Variants in PCDHGB1 observed in about 807,000 individuals in gnomAD.
PCDHGB1 encodes protocadherin gamma-B1.
In PCDHGB1, 34 loss-of-function variants were observed where a neutral mutation model predicts 56.6. The observed-to-expected ratio is 0.60, with a 90% CI of 0.46 to 0.80. The LOEUF (loss-of-function observed/expected upper bound fraction) is 0.80, where lower values mean the gene tolerates loss of function less well. Among genes scored for constraint, PCDHGB1 ranks in the 30% least tolerant of loss-of-function variants. The pLI, the probability that PCDHGB1 is intolerant of heterozygous loss-of-function variation, is 0.00. For missense variants in PCDHGB1, 1,278 were observed against 1,204.6 expected, an observed-to-expected ratio of 1.06 and a Z score of -0.90; for synonymous variants, 561 against 505.9, an observed-to-expected ratio of 1.11 and a Z score of -1.46.
chr5:141,351,879 C>A lies in PCDHGB1; in HGVS notation c.1619C>A (p.Ala540Asp). Residue 540 changes from alanine (A) to aspartate (D), a missense_variant, in exon 1 of 4, where the codon GCC becomes GAC. Coordinates refer to ENST00000523390, the MANE Select transcript of PCDHGB1 (RefSeq NM_018922.3). ...GACCAGGGCTCCCCCGCGCTCAGCGCCAACGTGAGCCTGCGCGTGTTGGTG... is the reference window on the plus strand; with the variant it reads ...GACCAGGGCTCCCCCGCGCTCAGCGACAACGTGAGCCTGCGCGTGTTGGTG... ...ARDQGSPALS[A>D]NVSLRVLVGD... 6.2e-7 allele frequency: 1 copy of A among 1,613,328 alleles called. No homozygotes were observed. The highest frequency in any genetic ancestry group is 8.5e-7 in the Non-Finnish European group (1 of 1,179,734).
At position 141,357,621 on chromosome 5, in the gene PCDHGB1, G is replaced by A. The variant is rs746909809; in HGVS notation, c.2409+4952G>A. The stretch of plus-strand genomic sequence containing the variant: ...AAACAAAAGGAGACCCTAATCTTCA[G>A]GTGAGTCAATCTTATAATAGATCAT... On this transcript the variant is annotated intron_variant, in intron 1 of 3. Transcript: ENST00000523390. The A allele has an allele frequency of 1.9e-6, 3 of 1,613,788 alleles. No individual in the cohort carries two copies. In the South Asian group the frequency reaches 3.3e-5, roughly 18 times the overall value.
At position 141,464,471 on chromosome 5, in the gene PCDHGB1, G is replaced by A. The variant is rs142068327; in HGVS notation, c.2410-30336G>A. On this transcript the variant is annotated intron_variant, in intron 1 of 3. Coordinates refer to ENST00000523390, the MANE Select transcript of PCDHGB1 (RefSeq NM_018922.3). ...TTGTTGTTATTTTTGAAGTATGTAC[G>A]TATAATAAATTCCTAATAGTGTGAT... Among the ~76,000 whole-genome samples, 204 of 151,612 alleles carry A rather than the reference G, an allele frequency of 1.3e-3. 1 individual carries two copies. The highest frequency in any genetic ancestry group is 2.3e-3 in the Non-Finnish European group (156 of 67,928).
At chr5:141,444,152 A>ATTTTTTTTTTTT (rs747671382) in intron 1 of PCDHGB1, among the ~76,000 whole-genome samples, 4 of 33,898 alleles carry the variant, frequency 1.2e-4, no homozygotes, top group Admixed American at 3.9e-4. Flanking sequence ...TGTGTACTGG[A>ATTTTTTTTTTTT]TTTTTTTTTT....
intron 1 of PCDHGB1, chr5:141,361,044 A>G: frequency 6.2e-7 from 1 of 1,613,658 alleles, no homozygotes; most frequent in South Asian, 1.1e-5. Flanking sequence ...AAATCACGAC[A>G]AAGGATGATT....
intron 1 of PCDHGB1, chr5:141,413,602 G>A (rs1561743581): frequency 6.2e-7 from 1 of 1,613,860 alleles, no homozygotes; most frequent in Non-Finnish European, 8.5e-7. Flanking sequence ...AGAAAATCTA[G>A]ACGTAAAAAT....
chr5:141,467,681 A>G (rs2099148744), intron 1 of PCDHGB1, among the ~76,000 whole-genome samples: 1 of 152,076 alleles, frequency 6.6e-6, no homozygotes, highest in African/African-American at 2.4e-5. Flanking sequence ...TATTTTTTTT[A>G]GACAGGGTCT....
intron 1 of PCDHGB1, chr5:141,423,243 C>G (rs2096724455): frequency 6.2e-7 from 1 of 1,613,842 alleles, no homozygotes. Flanking sequence ...TCCCCGAAGT[C>G]CTGGCGGACC....
intron 1 of PCDHGB1, among the ~76,000 whole-genome samples, chr5:141,452,401 G>C (rs2098740635): frequency 6.6e-6 from 1 of 152,134 alleles, no homozygotes. Flanking sequence ...CTAAGATCTG[G>C]GTGTGAGGTA....
At position 141,477,115 on chromosome 5, in the gene PCDHGB1, A is replaced by G. The variant is rs1218111107; in HGVS notation, c.2410-17692A>G. ...AAGACAAGGGCGCCAATCCCGAAGG[A>G]GCACATTGCAAAGTGTTGGTGGAGG... On this transcript the variant is annotated intron_variant, in intron 1 of 3. Transcript: ENST00000523390. This position sits in a 1 kb window ranked among gnomAD's most constrained non-coding sequence, Gnocchi z 4.9. 1 of 1,614,230 alleles carries G rather than the reference A, an allele frequency of 6.2e-7. No homozygotes were observed. Among genetic ancestry groups the G allele is most frequent in the South Asian group, 1.1e-5 (1 of 91,090 alleles).
At chr5:141,399,382 A>G in intron 1 of PCDHGB1, 1 of 1,614,000 alleles carries the variant, frequency 6.2e-7, no homozygotes, top group Non-Finnish European at 8.5e-7. Context: ...TGTCACCATC[A>G]CAGCCACAGA....
At chr5:141,414,498 C>T (rs2095755127) in intron 1 of PCDHGB1, 1 of 1,613,848 alleles carries the variant, frequency 6.2e-7, no homozygotes, top group African/African-American at 1.3e-5. Flanking sequence ...CGGAAGCTCA[C>T]TTTATGCTAC....
Position 141,476,996 on chromosome 5 carries a change from C to T in PCDHGB1, c.2410-17811C>T. The T allele has an allele frequency of 6.2e-7, 1 of 1,614,250 alleles. No homozygotes were observed. Among genetic ancestry groups the T allele is most frequent in the Non-Finnish European group, 8.5e-7 (1 of 1,180,052 alleles). On this transcript the variant is annotated intron_variant, in intron 1 of 3. Coordinates refer to ENST00000523390, the MANE Select transcript of PCDHGB1 (RefSeq NM_018922.3). The surrounding 1 kb of genome is among the most constrained non-coding windows in gnomAD (Gnocchi z 7.6). ...CCACAACCGCGCCGGCGTGCGGCAA[C>T]TATTCGCCTTAGACCTTGTAACCGG...
chr5:141,365,268 G>A (rs1329659479), intron 1 of PCDHGB1: 2 of 1,613,874 alleles, frequency 1.2e-6, no homozygotes, highest in Non-Finnish European at 1.7e-6. Flanking sequence ...GAAGAATCCA[G>A]ATTCTACCTC....
intron 1 of PCDHGB1, among the ~76,000 whole-genome samples, chr5:141,380,858 G>A (rs1193255513): frequency 6.6e-6 from 1 of 152,216 alleles, no homozygotes; most frequent in Non-Finnish European, 1.5e-5. Flanking sequence ...AAGACATTGA[G>A]AGCTATAACC....
At chr5:141,434,128 G>A (rs1267483739) in intron 1 of PCDHGB1, among the ~76,000 whole-genome samples, 1 of 152,138 alleles carries the variant, frequency 6.6e-6, no homozygotes, top group Non-Finnish European at 1.5e-5. Flanking sequence ...ACTCCCTTTA[G>A]GCTGATTTCT....
At position 141,431,017 on chromosome 5, in the gene PCDHGB1, G is replaced by A. The variant is rs768036730; in HGVS notation, c.2410-63790G>A. 2.5e-6 allele frequency: 4 copies of A among 1,613,768 alleles called. No homozygotes were observed. Among genetic ancestry groups the A allele is most frequent in the South Asian group, 1.1e-5 (1 of 91,084 alleles). ...ATCCGCGCAGCGGCAGCTTGGTCAC[G>A]GCGGGCAGGATAGACCGGGAGGAGC... On this transcript the variant is annotated intron_variant, in intron 1 of 3. Transcript: ENST00000523390. This position sits in a 1 kb window ranked among gnomAD's most constrained non-coding sequence, Gnocchi z 4.8.
chr5:141,470,323 A>C (rs1029928511), intron 1 of PCDHGB1, among the ~76,000 whole-genome samples: 1 of 152,188 alleles, frequency 6.6e-6, no homozygotes, highest in African/African-American at 2.4e-5. Flanking sequence ...AAATGATCCC[A>C]TAATTTGACC....
At chr5:141,371,039 G>A (rs1233349729) in intron 1 of PCDHGB1, 1 of 1,613,848 alleles carries the variant, frequency 6.2e-7, no homozygotes, top group Admixed American at 1.7e-5. Context: ...TCACAGCTGT[G>A]GATGGGGGCG....
chr5:141,478,221 C>A, intron 1 of PCDHGB1: 1 of 1,614,122 alleles, frequency 6.2e-7, no homozygotes, highest in Non-Finnish European at 8.5e-7. Context: ...ATCCTGGTTT[C>A]TGTGGGGTTT....
Sources: allele counts gnomAD v4.1 joint callset (sites outside exome capture counted in the v4.1 genomes callset), GRCh38; gene constraint gnomAD v4.1.1; non-coding constraint Gnocchi (gnomAD v3.1); transcripts MANE v1.5; gene names NCBI Gene and HGNC (gene_info 2026-07-23, HGNC 2026-07-21).